DPP10: variants seen among roughly 807,000 people sequenced by gnomAD.
DPP10 encodes the protein dipeptidyl peptidase like 10, also known as inactive dipeptidyl peptidase 10.
DPP10 carries 33 observed loss-of-function variants against 120.9 expected under a neutral mutation model. That is an observed-to-expected ratio of 0.27 (90% CI 0.21 to 0.37). DPP10 has a LOEUF of 0.37. Among genes scored for constraint, DPP10 ranks in the 10% least tolerant of loss-of-function variants. The probability of loss-of-function intolerance (pLI) is 1.00; values close to 1 mark genes in which losing one functional copy is unlikely to be tolerated. For synonymous variants in DPP10, 337 were observed against 326.1 expected, an observed-to-expected ratio of 1.03 and a Z score of -0.36; for missense variants, 816 against 942.8, an observed-to-expected ratio of 0.87 and a Z score of 1.76.
chr2:115,686,168 G>C (rs919576748), intron 5 of DPP10, among the ~76,000 whole-genome samples: 2 of 151,874 alleles, frequency 1.3e-5, no homozygotes, highest in Non-Finnish European at 2.9e-5. Flanking sequence ...GCTTTCTGTT[G>C]GTCATGTTCC....
chr2:114,657,192 T>C (rs1368740208), intron 1 of DPP10, among the ~76,000 whole-genome samples: 1 of 152,164 alleles, frequency 6.6e-6, no homozygotes, highest in African/African-American at 2.4e-5. Context: ...CCATAAAAAG[T>C]TTCTAAGAAA....
At chr2:115,834,927 T>C (rs2150113559) in intron 21 of DPP10, among the ~76,000 whole-genome samples, 1 of 151,656 alleles carries the variant, frequency 6.6e-6, no homozygotes, top group South Asian at 2.1e-4. Context: ...CTACTAAAAA[T>C]ACAAAAAAAA....
At chr2:114,446,352 A>G (rs1363094774) in intron 1 of DPP10, among the ~76,000 whole-genome samples, 3 of 152,190 alleles carry the variant, frequency 2.0e-5, no homozygotes, top group Non-Finnish European at 4.4e-5. Flanking sequence ...TGTGTCTAAA[A>G]TGAGTAGAGA....
chr2:115,660,790 CTTAAAAA>C (rs1241758687), intron 5 of DPP10, among the ~76,000 whole-genome samples: 6 of 150,284 alleles, frequency 4.0e-5, no homozygotes, highest in Non-Finnish European at 7.4e-5. Flanking sequence ...CAAAGTGTAA[CTTAAAAA>C]TACAAATATA....
intron 5 of DPP10, among the ~76,000 whole-genome samples, chr2:115,612,494 C>A (rs2084183176): frequency 1.3e-5 from 2 of 152,230 alleles, no homozygotes; most frequent in East Asian, 1.9e-4. Flanking sequence ...ATCATTATTG[C>A]ATTTACATAT....
chr2:115,596,949 C>G (rs188507108), intron 5 of DPP10, among the ~76,000 whole-genome samples: 1 of 152,106 alleles, frequency 6.6e-6, no homozygotes, highest in Non-Finnish European at 1.5e-5. Flanking sequence ...TTACTTAACT[C>G]GTTTCATAAT....
intron 3 of DPP10, among the ~76,000 whole-genome samples, chr2:115,377,771 G>A (rs927583042): frequency 6.6e-6 from 1 of 151,872 alleles, no homozygotes; most frequent in African/African-American, 2.4e-5. Context: ...TTCTACATAT[G>A]GCTAGCCAGT....
At chr2:115,242,573 A>C (rs2105582305) in intron 1 of DPP10, among the ~76,000 whole-genome samples, 1 of 152,128 alleles carries the variant, frequency 6.6e-6, no homozygotes, top group South Asian at 2.1e-4. Flanking sequence ...TTAGTTCTTT[A>C]AGGGCTCTCC....
At chr2:114,554,624 G>A (rs1393389155) in intron 1 of DPP10, among the ~76,000 whole-genome samples, 2 of 152,168 alleles carry the variant, frequency 1.3e-5, no homozygotes, top group Non-Finnish European at 2.9e-5. Context: ...AATCTGACCT[G>A]GAAGGTACAT....
At chr2:115,723,624 T>G (rs1216528330) in intron 7 of DPP10, among the ~76,000 whole-genome samples, 1 of 146,138 alleles carries the variant, frequency 6.8e-6, no homozygotes, top group African/African-American at 2.7e-5. Flanking sequence ...TGTTTTTTGT[T>G]TTTTTTTTTT....
At chr2:115,341,526 TAAATAAAG>T (rs2063447175) in intron 2 of DPP10, among the ~76,000 whole-genome samples, 1 of 152,150 alleles carries the variant, frequency 6.6e-6, no homozygotes, top group Admixed American at 6.6e-5. Context: ...TTTGGACAAG[TAAATAAAG>T]ACATGTATCC....
At chr2:114,572,005 C>A (rs953510574) in intron 1 of DPP10, among the ~76,000 whole-genome samples, 3 of 148,922 alleles carry the variant, frequency 2.0e-5, no homozygotes, top group Non-Finnish European at 4.5e-5. Context: ...AATATTTATA[C>A]CACATATATT....
chr2:115,727,583 AG>A (rs1178239533), intron 7 of DPP10, among the ~76,000 whole-genome samples: 2 of 152,166 alleles, frequency 1.3e-5, no homozygotes, highest in Non-Finnish European at 2.9e-5. Context: ...TGGATTTAAA[AG>A]CATCAATACC....
At chr2:114,539,747 A>G (rs1369260373) in intron 1 of DPP10, among the ~76,000 whole-genome samples, 7 of 152,292 alleles carry the variant, frequency 4.6e-5, no homozygotes, top group Middle Eastern at 3.4e-3. Flanking sequence ...GTTTATATTA[A>G]TTAACAAATT....
chr2:114,963,551 T>C (rs1311758093), intron 1 of DPP10, among the ~76,000 whole-genome samples: 1 of 152,192 alleles, frequency 6.6e-6, no homozygotes, highest in Non-Finnish European at 1.5e-5. Context: ...ATGTTATAGA[T>C]TCCCTTCTCT....
At chr2:115,603,080 T>A (rs971360235) in intron 5 of DPP10, among the ~76,000 whole-genome samples, 2 of 151,930 alleles carry the variant, frequency 1.3e-5, no homozygotes, top group African/African-American at 4.8e-5. Flanking sequence ...CTCTTTATCC[T>A]TGTCAACATG....
At chr2:114,824,543 T>C (rs1323957307) in intron 1 of DPP10, among the ~76,000 whole-genome samples, 1 of 152,102 alleles carries the variant, frequency 6.6e-6, no homozygotes, top group African/African-American at 2.4e-5. Context: ...TCGGATAGCT[T>C]TCAAAATCAA....
chr2:114,494,909 T>C (rs1682372208), intron 1 of DPP10, among the ~76,000 whole-genome samples: 1 of 152,162 alleles, frequency 6.6e-6, no homozygotes, highest in African/African-American at 2.4e-5. Flanking sequence ...TTCATCTAAA[T>C]TACAGGTGGT....
intron 3 of DPP10, among the ~76,000 whole-genome samples, chr2:115,483,979 C>T (rs903875081): frequency 1.1e-4 from 16 of 152,018 alleles, no homozygotes; most frequent in Admixed American, 7.9e-4. Flanking sequence ...CAATGGGCAT[C>T]GAATATCTTG....
Sources: allele counts gnomAD v4.1 joint callset (sites outside exome capture counted in the v4.1 genomes callset), GRCh38; gene constraint gnomAD v4.1.1; transcripts MANE v1.5; gene names NCBI Gene and HGNC (gene_info 2026-07-23, HGNC 2026-07-21).